The following PKNOX2 variants were observed in gnomAD, a reference collection of about 807,000 sequenced individuals.
The protein encoded by PKNOX2 is PBX/knotted 1 homeobox 2.
A neutral mutation model predicts 53.1 loss-of-function variants in PKNOX2; 14 were observed. The observed-to-expected ratio is 0.26, with a 90% CI of 0.17 to 0.41. The LOEUF is 0.41. Ranked by LOEUF, PKNOX2 falls within the 10% of genes least tolerant of loss-of-function variation. The probability of loss-of-function intolerance (pLI) is 1.00; values close to 1 mark genes in which losing one functional copy is unlikely to be tolerated. For synonymous variants in PKNOX2, 257 were observed against 242.8 expected (o/e 1.06, Z -0.54); for missense variants, 496 against 602.8 (o/e 0.82, Z 1.85).
At chr11:125,237,147 C>T (rs1426632754) in intron 2 of PKNOX2, among the ~76,000 whole-genome samples, 1 of 152,210 alleles carries the variant, frequency 6.6e-6, no homozygotes. Flanking sequence ...GAGAGGTTGG[C>T]TGGACTGTCT....
At chr11:125,329,480 G>C (rs1011670113) in intron 2 of PKNOX2, among the ~76,000 whole-genome samples, 3 of 152,202 alleles carry the variant, frequency 2.0e-5, no homozygotes, top group African/African-American at 7.2e-5. Context: ...TTTGTGAACT[G>C]AAAAAATTAT....
intron 3 of PKNOX2, among the ~76,000 whole-genome samples, chr11:125,349,269 TG>T (rs1212768898): frequency 2.7e-5 from 4 of 150,246 alleles, no homozygotes; most frequent in African/African-American, 9.7e-5. Flanking sequence ...ATCCTCACTC[TG>T]CTCTTGGCTC....
chr11:125,285,734 A>G (rs11602667), intron 2 of PKNOX2, among the ~76,000 whole-genome samples: 6,235 of 152,288 alleles, frequency 0.041, 325 homozygotes, highest in East Asian at 0.27. Context: ...TTGCAAGCCA[A>G]TGGTTAAACA....
chr11:125,348,690 C>G (rs1951127654), intron 3 of PKNOX2, among the ~76,000 whole-genome samples: 1 of 152,210 alleles, frequency 6.6e-6, no homozygotes, highest in African/African-American at 2.4e-5. Flanking sequence ...GACAGCGCCT[C>G]TAAAATGACC....
At position 125,382,498 on chromosome 11, in the gene PKNOX2, C is replaced by T. The variant is rs146351635; in HGVS notation, c.228-3053C>T. Among the ~76,000 whole-genome samples, 18 of 152,258 alleles carry T rather than the reference C, an allele frequency of 1.2e-4. No homozygotes were observed. In the East Asian group the frequency reaches 3.5e-3, roughly 29 times the overall value. On this transcript the variant is annotated intron_variant, in intron 5 of 12. Transcript: ENST00000298282. Reference sequence around the variant, plus strand: ...GTAATTTAGTGCCCTTGTACAGAGTCGATTTGTGCCTTTCATTCCTAATTG... The same window carrying T: ...GTAATTTAGTGCCCTTGTACAGAGTTGATTTGTGCCTTTCATTCCTAATTG...
At chr11:125,341,521 G>C (rs1950685783) in intron 3 of PKNOX2, among the ~76,000 whole-genome samples, 1 of 152,236 alleles carries the variant, frequency 6.6e-6, no homozygotes, top group African/African-American at 2.4e-5. Context: ...CCATGATCTT[G>C]TCTGCTGGGG....
chr11:125,417,812 C>T (rs145551353), intron 10 of PKNOX2, among the ~76,000 whole-genome samples: 2 of 151,976 alleles, frequency 1.3e-5, no homozygotes, highest in South Asian at 2.1e-4. Context: ...TCCCCCACCC[C>T]ACTCATCACA....
intron 1 of PKNOX2, among the ~76,000 whole-genome samples, chr11:125,222,615 G>A (rs951208842): frequency 1.4e-5 from 2 of 146,784 alleles, no homozygotes; most frequent in South Asian, 2.1e-4. Context: ...CTGTGTGTAT[G>A]TGTGTGTATG....
At chr11:125,286,163 C>T (rs1027112124) in intron 2 of PKNOX2, among the ~76,000 whole-genome samples, 3 of 151,890 alleles carry the variant, frequency 2.0e-5, no homozygotes, top group South Asian at 2.1e-4. Context: ...TGTGGATGCA[C>T]GGGAAGAAAG....
intron 2 of PKNOX2, among the ~76,000 whole-genome samples, chr11:125,272,367 ATAT>A (rs1316213438): frequency 1.3e-5 from 2 of 152,194 alleles, no homozygotes; most frequent in Non-Finnish European, 2.9e-5. Context: ...ACAGGCACAC[ATAT>A]TATCTCATTT....
chr11:125,371,215 C>T (rs1270823258), intron 5 of PKNOX2, among the ~76,000 whole-genome samples: 2 of 152,114 alleles, frequency 1.3e-5, no homozygotes, highest in African/African-American at 4.8e-5. Flanking sequence ...CAGTCTAATC[C>T]GAGCAGATCC....
chr11:125,267,844 C>T (rs1376966368), intron 2 of PKNOX2, among the ~76,000 whole-genome samples: 2 of 152,088 alleles, frequency 1.3e-5, no homozygotes, highest in Non-Finnish European at 2.9e-5. Flanking sequence ...GGAATGGAGT[C>T]AGGGAATTGT....
chr11:125,269,335 A>G (rs1945611308), intron 2 of PKNOX2, among the ~76,000 whole-genome samples: 1 of 152,008 alleles, frequency 6.6e-6, no homozygotes, highest in Non-Finnish European at 1.5e-5. Context: ...TATTTCTCCT[A>G]CAGGAACCAT....
In PKNOX2 at chr11:125,189,371, A is replaced by ATATATATATATGTGTGTATATATATATG. The variant is rs1555111562; in HGVS notation, c.-201+24597_-201+24624dup. Among the ~76,000 whole-genome samples, 372 of 79,642 alleles carry ATATATATATATGTGTGTATATATATATG rather than the reference A, an allele frequency of 4.7e-3. 8 individuals are homozygous for ATATATATATATGTGTGTATATATATATG. Among genetic ancestry groups the ATATATATATATGTGTGTATATATATATG allele is most frequent in the Non-Finnish European group, 6.4e-3 (250 of 39,098 alleles). 52.2% of individuals were successfully genotyped at this position (79,642 alleles called of 152,430 possible). A position where few individuals can be genotyped will look rare whatever the true frequency, so the allele number is the denominator to read the frequency against. On this transcript the variant is annotated intron_variant, in intron 1 of 12. Coordinates refer to ENST00000298282, the MANE Select transcript of PKNOX2 (RefSeq NM_001382323.2). Reference sequence around the variant, plus strand: ...AAATTCTAATTATATATATATATGTATATATATATATGTGTGTATATATAT... The same window carrying ATATATATATATGTGTGTATATATATATG: ...AAATTCTAATTATATATATATATGTATATATATATATGTGTGTATATATATATGTATATATATATGTGTGTATATATAT...
chr11:125,222,493 TCTGA>T (rs1941246239), intron 1 of PKNOX2, among the ~76,000 whole-genome samples: 2 of 152,220 alleles, frequency 1.3e-5, no homozygotes, highest in African/African-American at 4.8e-5. Context: ...TAAAGAACAG[TCTGA>T]CTGGCTGGCC....
intron 2 of PKNOX2, among the ~76,000 whole-genome samples, chr11:125,291,636 T>C (rs1438728968): frequency 6.6e-6 from 1 of 152,192 alleles, no homozygotes; most frequent in Non-Finnish European, 1.5e-5. Flanking sequence ...TCATTACTCA[T>C]GGTAGCCAAA....
At chr11:125,218,410 G>T (rs776186869) in intron 1 of PKNOX2, among the ~76,000 whole-genome samples, 3 of 151,484 alleles carry the variant, frequency 2.0e-5, no homozygotes, top group African/African-American at 4.9e-5. Context: ...GCAGTGATGG[G>T]GGGGGGACAG....
chr11:125,235,756 G>A lies in PKNOX2; in HGVS notation c.-130+641G>A, dbSNP rs148953991. ...CGATCTCTTCCCCTTCTGAAATTCC[G>A]CAGCATTCACACACGCTGCCCCTGC... is the stretch of plus-strand genomic sequence containing the variant. On this transcript the variant is annotated intron_variant, in intron 2 of 12. Transcript: ENST00000298282. Among the ~76,000 whole-genome samples, 346 of 152,250 alleles carry A rather than the reference G, an allele frequency of 2.3e-3. 2 individuals are homozygous for A. Among genetic ancestry groups the A allele is most frequent in the African/African-American group, 7.7e-3 (321 of 41,550 alleles).
intron 2 of PKNOX2, among the ~76,000 whole-genome samples, chr11:125,301,978 T>A (rs1307267203): frequency 6.6e-6 from 1 of 152,208 alleles, no homozygotes; most frequent in East Asian, 1.9e-4. Context: ...TCCCAGTGTG[T>A]GTTAGCGAGA....
Sources: gnomAD v4.1 joint callset for allele counts (sites outside exome capture counted in the v4.1 genomes callset) on GRCh38, gnomAD v4.1.1 for gene constraint, MANE v1.5 for transcripts, NCBI Gene and HGNC (gene_info 2026-07-23, HGNC 2026-07-21) for gene names.